The following KIF13A variants were observed in gnomAD, a reference collection of about 807,000 sequenced individuals.
KIF13A encodes kinesin-like protein KIF13A.
KIF13A carries 79 observed loss-of-function variants against 212.2 expected under a neutral mutation model. The observed-to-expected ratio is 0.37, with a 90% confidence interval of 0.31 to 0.45. The LOEUF is 0.45. KIF13A is among the 20% of genes least tolerant of loss of function. KIF13A has a pLI of 1.00. For synonymous variants in KIF13A, 789 were observed against 808.6 expected, an observed-to-expected ratio of 0.98 and a Z score of 0.41; for missense variants, 1,901 against 2,209.0, an observed-to-expected ratio of 0.86 and a Z score of 2.79.
chr6:17,876,381 T>C (rs1770559188), intron 3 of KIF13A, among the ~76,000 whole-genome samples: 1 of 152,166 alleles, frequency 6.6e-6, no homozygotes. Flanking sequence ...ACCTCAGAAT[T>C]ACTAAGTATA....
intron 22 of KIF13A, among the ~76,000 whole-genome samples, chr6:17,798,531 T>A (rs1200401387): frequency 2.0e-5 from 3 of 152,252 alleles, no homozygotes; most frequent in African/African-American, 7.2e-5. Flanking sequence ...TAGGTGGTGA[T>A]ATGGATTCGT....
chr6:17,913,229 G>C (rs1316101543), intron 2 of KIF13A, among the ~76,000 whole-genome samples: 2 of 152,108 alleles, frequency 1.3e-5, no homozygotes, highest in Admixed American at 6.6e-5. Flanking sequence ...GGGAGGAGCA[G>C]GGAGCTGGAA....
intron 31 of KIF13A, 58 bp from the exon 32 acceptor site, chr6:17,779,742 A>ATT (rs377678460): frequency 2.2e-3 from 1,005 of 460,872 alleles, no homozygotes; most frequent in South Asian, 2.9e-3. Context: ...GTTATTTTGT[A>ATT]TTTTTTTTTT....
At chr6:17,910,480 G>T (rs1773940843) in intron 2 of KIF13A, among the ~76,000 whole-genome samples, 1 of 152,214 alleles carries the variant, frequency 6.6e-6, no homozygotes, top group Non-Finnish European at 1.5e-5. Flanking sequence ...TATTACCAAT[G>T]TAAGAGGTAT....
In KIF13A at chr6:17,850,519, C is replaced by T; in HGVS notation, c.583-62G>A. 6.7e-7 allele frequency: 1 copy of T among 1,486,164 alleles called. No individual in the cohort carries two copies. Among genetic ancestry groups the T allele is most frequent in the South Asian group, 1.3e-5 (1 of 77,032 alleles). 92.1% of individuals were successfully genotyped at this position (1,486,164 alleles called of 1,614,324 possible). A position where few individuals can be genotyped will look rare whatever the true frequency, so the allele number is the denominator to read the frequency against. On this transcript the variant is annotated intron_variant, in intron 7 of 38. Coordinates refer to ENST00000259711, the MANE Select transcript of KIF13A (RefSeq NM_022113.6). The surrounding 1 kb of genome is among the most constrained non-coding windows in gnomAD (Gnocchi z 6.2). ...AACACAAGAATGTAGTCCTGCACAC[C>T]AGGTATATGTATTAATTATGATTCC...
intron 4 of KIF13A, among the ~76,000 whole-genome samples, chr6:17,866,108 C>T (rs1247826731): frequency 6.6e-6 from 1 of 152,186 alleles, no homozygotes; most frequent in Non-Finnish European, 1.5e-5. Context: ...GGGTGTTTCC[C>T]ATAAAATAAC....
At chr6:17,842,000 C>CATGT (rs1491577539) in intron 9 of KIF13A, among the ~76,000 whole-genome samples, 2 of 143,712 alleles carry the variant, frequency 1.4e-5, no homozygotes, top group Admixed American at 7.1e-5. Context: ...TATACACATA[C>CATGT]GTGTGTGTGT....
chr6:17,802,923 G>GTTTTTTT (rs57190220), intron 20 of KIF13A, among the ~76,000 whole-genome samples: 4 of 135,652 alleles, frequency 2.9e-5, no homozygotes, highest in African/African-American at 1.0e-4. Flanking sequence ...ATTTTTTTGT[G>GTTTTTTT]TTTTTTTTGT....
At chr6:17,974,374 G>A (rs1331042462) in intron 2 of KIF13A, among the ~76,000 whole-genome samples, 1 of 152,112 alleles carries the variant, frequency 6.6e-6, no homozygotes, top group African/African-American at 2.4e-5. Flanking sequence ...CACTGCGCCC[G>A]GCGGGAACCT....
Position 17,949,516 on chromosome 6 carries a change from T to C in KIF13A, c.146+37538A>G, listed in dbSNP as rs115005373. ...ATACAGGGTCTCTAAATGTATTTAG[T>C]TGTTAGTGCAGGTCTCTTAAGGGGT... is the stretch of plus-strand genomic sequence containing the variant. On this transcript the variant is annotated intron_variant, in intron 2 of 38. Transcript: ENST00000259711. Among the ~76,000 whole-genome samples, 973 of 151,826 alleles carry C rather than the reference T, an allele frequency of 6.4e-3. 16 individuals carry two copies. The highest frequency in any genetic ancestry group is 0.023 in the African/African-American group (948 of 41,554).
At chr6:17,975,520 C>A (rs1252081873) in intron 2 of KIF13A, among the ~76,000 whole-genome samples, 2 of 151,904 alleles carry the variant, frequency 1.3e-5, no homozygotes, top group Non-Finnish European at 1.5e-5. Flanking sequence ...AAGGGAGCAG[C>A]AACATAATTC....
chr6:17,929,977 A>C (rs1452291286), intron 2 of KIF13A, among the ~76,000 whole-genome samples: 2 of 152,250 alleles, frequency 1.3e-5, no homozygotes, highest in Admixed American at 1.3e-4. Flanking sequence ...GCTGACAAGA[A>C]GGGCAACTGT....
chr6:17,780,787 A>T lies in KIF13A; in HGVS notation c.3789T>A (p.Pro1263=), dbSNP rs769720721. The change falls in exon 31 of 39, where the codon CCT becomes CCA. Residue 1263 remains proline, a synonymous_variant. Coordinates refer to ENST00000259711, the MANE Select transcript of KIF13A (RefSeq NM_022113.6). ...IVKTTVQLSH[P]AAMELVLRKR... ...TTCGTAATACTAACTCCATAGCAGC[A>T]GGGTGGCTGAGTTGAACTGTGGTTT... 2 of 1,614,058 alleles carry T rather than the reference A, an allele frequency of 1.2e-6. No homozygotes were observed. The highest frequency in any genetic ancestry group is 1.7e-6 in the Non-Finnish European group (2 of 1,179,896).
intron 2 of KIF13A, among the ~76,000 whole-genome samples, chr6:17,917,235 CTTTTT>C (rs71002284): frequency 1.3e-5 from 1 of 79,092 alleles, no homozygotes; most frequent in Non-Finnish European, 2.3e-5. Context: ...TTACACGATT[CTTTTT>C]TTTTTTTTTT....
intron 4 of KIF13A, among the ~76,000 whole-genome samples, chr6:17,868,296 CTACTA>C (rs1769616725): frequency 6.6e-6 from 1 of 152,122 alleles, no homozygotes; most frequent in Non-Finnish European, 1.5e-5. Flanking sequence ...TCACTGTTAT[CTACTA>C]ACATGGCACA....
Position 17,987,251 on chromosome 6 carries a change from C to T in KIF13A, c.56-107G>A. On this transcript the variant is annotated intron_variant, in intron 1 of 38. Coordinates refer to ENST00000259711, the MANE Select transcript of KIF13A (RefSeq NM_022113.6). The surrounding 1 kb of genome is among the most constrained non-coding windows in gnomAD (Gnocchi z 7.7). ...GCTCCGTCCCTGGAGGCGGCCGAGC[C>T]TGGAGACGGCGCCCCGGGCACCACG... 1.1e-6 allele frequency: 1 copy of T among 944,192 alleles called. No individual in the cohort carries two copies. Among genetic ancestry groups the T allele is most frequent in the Non-Finnish European group, 1.4e-6 (1 of 716,772 alleles). 58.5% of individuals were successfully genotyped at this position (944,192 alleles called of 1,614,324 possible).
chr6:17,970,122 C>T (rs1366306287), intron 2 of KIF13A, among the ~76,000 whole-genome samples: 1 of 151,820 alleles, frequency 6.6e-6, no homozygotes, highest in East Asian at 2.0e-4. Context: ...CAGGGTTTCA[C>T]CGTGTTAGCT....
chr6:17,834,116 C>G lies in KIF13A; in HGVS notation c.1156-45G>C, dbSNP rs1332479813. 8.5e-7 allele frequency: 1 copy of G among 1,173,390 alleles called. No homozygotes were observed. Among genetic ancestry groups the G allele is most frequent in the Non-Finnish European group, 1.2e-6 (1 of 830,344 alleles). 72.7% of individuals were successfully genotyped at this position (1,173,390 alleles called of 1,614,324 possible). A position where few individuals can be genotyped will look rare whatever the true frequency, so the allele number is the denominator to read the frequency against. On this transcript the variant is annotated intron_variant, in intron 11 of 38. Transcript: ENST00000259711. The surrounding 1 kb of genome is among the most constrained non-coding windows in gnomAD (Gnocchi z 4.0). ...ATATCTGATGTTCAAAATTTTTCCACCATCATATACAAGACAATCAGTTAC... is the reference window on the plus strand; with the variant it reads ...ATATCTGATGTTCAAAATTTTTCCAGCATCATATACAAGACAATCAGTTAC...
chr6:17,765,779 T>C (rs963120489), intron 38 of KIF13A, among the ~76,000 whole-genome samples: 5 of 152,202 alleles, frequency 3.3e-5, no homozygotes, highest in African/African-American at 1.2e-4. Context: ...TGTGGGTATT[T>C]TAAGTCCAAA....
Sources: gnomAD v4.1 joint callset for allele counts (sites outside exome capture counted in the v4.1 genomes callset) on GRCh38, gnomAD v4.1.1 for gene constraint, Gnocchi (gnomAD v3.1) non-coding constraint, MANE v1.5 for transcripts, NCBI Gene and HGNC (gene_info 2026-07-23, HGNC 2026-07-21) for gene names.